Variants in PARP10 observed in about 807,000 individuals in gnomAD.
The protein encoded by PARP10 is poly(ADP-ribose) polymerase family member 10.
In PARP10, 56 loss-of-function variants were observed where a neutral mutation model predicts 82.4. That is an observed-to-expected ratio of 0.68 (90% CI 0.55 to 0.85). PARP10 has a LOEUF of 0.85. Ranked by LOEUF, PARP10 falls within the 40% of genes least tolerant of loss-of-function variation. The pLI is 0.00. For missense variants in PARP10, 1,227 were observed against 1,379.4 expected (o/e 0.89, Z 1.75); for synonymous variants, 576 against 601.1 (o/e 0.96, Z 0.61).
chr8:143,997,551 C>T (rs1005413169), intron 1 of PARP10, among the ~76,000 whole-genome samples: 5 of 150,122 alleles, frequency 3.3e-5, no homozygotes, highest in African/African-American at 1.2e-4. Flanking sequence ...AACCCCTAAT[C>T]TAGCCTCAGC....
rs1554748987 is a variant in PARP10, at chr8:143,985,218, C to G, written c.784G>C (p.Gly262Arg). ...PEELAENTSGGDHPSTQGPRA... is the reference protein window; with the variant it reads ...PEELAENTSGRDHPSTQGPRA... ...GGCCCCTGGGTGGACGGGTGGTCCC[C>G]TCCACTGGTGTTCTCAGCCAGCTCC... Residue 262 changes from glycine (G) to arginine (R), a missense_variant, in exon 5 of 11, where the codon GGG becomes CGG. Coordinates refer to ENST00000313028, the MANE Select transcript of PARP10 (RefSeq NM_032789.5). The G allele has an allele frequency of 1.2e-6, 2 of 1,614,018 alleles. No individual in the cohort carries two copies. Among genetic ancestry groups the G allele is most frequent in the Admixed American group, 3.3e-5 (2 of 60,004 alleles).
upstream of PARP10, chr8:143,992,922 T>A: frequency 8.3e-7 from 1 of 1,209,868 alleles, no homozygotes; most frequent in South Asian, 1.4e-5. Context: ...CCAGCTGTAC[T>A]TCCCCTCTCT....
At chr8:144,007,063 G>A (rs1554752129) in intron 1 of PARP10, among the ~76,000 whole-genome samples, 1 of 152,156 alleles carries the variant, frequency 6.6e-6, no homozygotes, top group Non-Finnish European at 1.5e-5. Flanking sequence ...AAACAATGCT[G>A]TGTAAACAGC....
upstream of PARP10, among the ~76,000 whole-genome samples, chr8:143,987,652 G>A (rs552652457): frequency 2.0e-5 from 3 of 152,308 alleles, no homozygotes; most frequent in African/African-American, 7.2e-5. Flanking sequence ...CAGCACTTTG[G>A]GAGACTGAGG....
intron 1 of PARP10, among the ~76,000 whole-genome samples, chr8:144,010,311 C>T (rs1554752364): frequency 6.6e-6 from 1 of 152,216 alleles, no homozygotes; most frequent in East Asian, 1.9e-4. Context: ...GCACTGAACC[C>T]CCAATTCCTA....
chr8:143,987,102 C>T (rs534575967), upstream of PARP10: 2 of 152,834 alleles, frequency 1.3e-5, no homozygotes, highest in East Asian at 3.9e-4. Flanking sequence ...AAGGTAATGG[C>T]TCCACTGCAT....
upstream of PARP10, chr8:143,992,181 C>T (rs782471805): frequency 2.5e-6 from 4 of 1,598,308 alleles, no homozygotes; most frequent in Admixed American, 1.7e-5. Flanking sequence ...GCTCATGAGG[C>T]AGGGGCCGGC....
rs1564254000 is a variant in PARP10, at chr8:143,986,175, CA to C, written c.60del (p.Ala21ProfsTer23). On this transcript the variant is annotated frameshift_variant, in exon 2 of 11. Transcript: ENST00000313028. LOFTEE classifies it high-confidence loss of function. ...AGAGTGAGCAGCTCGTCGGGCACGG[CA>C]GGGGGCAGTCCACGGACCTCCACTG... ...GVAVEVRGLP[P>X]AVPDELLTLY... 3.1e-6 allele frequency: 5 copies of C among 1,613,902 alleles called. No homozygotes were observed. The highest frequency in any genetic ancestry group is 4.2e-6 in the Non-Finnish European group (5 of 1,179,954).
chr8:143,977,751 G>C lies in PARP10; in HGVS notation c.2811C>G (p.Ala937=). The part of the protein sequence containing the change: ...SVQDRYSPPN[A]DGHKAVFVAR... ...CCACGAACACCGCCTTATGGCCATC[G>C]GCGTTGGGGGGCGAGTAGCGGTCCT... Residue 937 remains alanine, a synonymous_variant, in exon 11 of 11, where the codon GCC becomes GCG. Transcript: ENST00000313028. The C allele has an allele frequency of 6.2e-7, 1 of 1,603,392 alleles. No individual in the cohort carries two copies. Among genetic ancestry groups the C allele is most frequent in the Non-Finnish European group, 8.5e-7 (1 of 1,175,770 alleles).
At chr8:143,981,342 GAA>G (rs1833848369) in intron 9 of PARP10, among the ~76,000 whole-genome samples, 6 of 115,156 alleles carry the variant, frequency 5.2e-5, no homozygotes, top group South Asian at 2.8e-4. Context: ...AGTGAGTGGT[GAA>G]GGTGATGGTG....
In PARP10 at chr8:143,986,104, G is replaced by A; in HGVS notation, c.132C>T (p.Ser44=). The part of the protein sequence containing the change: ...RRRSGGGPVL[S]WQRLGCGGVL... The stretch of plus-strand genomic sequence containing the variant: ...CGCCCCCACAGCCCAGTCTCTGCCA[G>A]CTCAACACAGGTCCCCCTCCAGAGC... The change falls in exon 2 of 11, where the codon AGC becomes AGT. Residue 44 remains serine (S), a synonymous_variant. Transcript: ENST00000313028. 6 of 1,614,074 alleles carry A rather than the reference G, an allele frequency of 3.7e-6. No individual in the cohort carries two copies. Among genetic ancestry groups the A allele is most frequent in the Non-Finnish European group, 5.1e-6 (6 of 1,180,010 alleles).
chr8:143,982,920 G>T lies in PARP10; in HGVS notation c.2556+12C>A. On this transcript the variant is annotated intron_variant, in intron 9 of 10. Coordinates refer to ENST00000313028, the MANE Select transcript of PARP10 (RefSeq NM_032789.5). ...GACGCCATGAGGCCAGAGAGACAGG[G>T]CATGGACTCACACGAACGACGCGGA... 6.2e-7 allele frequency: 1 copy of T among 1,612,994 alleles called. No homozygotes were observed. The highest frequency in any genetic ancestry group is 8.5e-7 in the Non-Finnish European group (1 of 1,179,878).
Position 143,984,900 on chromosome 8 carries a change from C to T in PARP10, c.1102G>A (p.Val368Met), listed in dbSNP as rs1045215947. ...GGCCCCTCCTGTTCCTGCAACCCCACAGGCCTCAGGCTTACCAGCCCCTCA... is the reference window on the plus strand; with the variant it reads ...GGCCCCTCCTGTTCCTGCAACCCCATAGGCCTCAGGCTTACCAGCCCCTCA... ...EHEGLVSLRPVGLQEQEGPMS... is the reference protein window; with the variant it reads ...EHEGLVSLRPMGLQEQEGPMS... Residue 368 changes from valine (V) to methionine (M), a missense_variant, in exon 5 of 11, where the codon GTG (valine) becomes ATG (methionine). Val to Met is a conservative substitution (Grantham distance 21). Coordinates refer to ENST00000313028, the MANE Select transcript of PARP10 (RefSeq NM_032789.5). 2 of 1,613,876 alleles carry T rather than the reference C, an allele frequency of 1.2e-6. No homozygotes were observed. Among genetic ancestry groups the T allele is most frequent in the African/African-American group, 2.7e-5 (2 of 74,902 alleles).
intron 1 of PARP10, among the ~76,000 whole-genome samples, chr8:144,009,456 T>C (rs1834257554): frequency 1.3e-5 from 2 of 152,208 alleles, no homozygotes; most frequent in Admixed American, 6.5e-5. Context: ...CTCTGCGGCT[T>C]TGTCGTGGCT....
rs1564253868 is a variant in PARP10 at position 143,986,094 on chromosome 8, G to GTC, written c.140_141dup (p.Leu48AspfsTer32). 5 of 1,614,072 alleles carry GTC rather than the reference G, an allele frequency of 3.1e-6. No homozygotes were observed. The highest frequency in any genetic ancestry group is 3.4e-6 in the Non-Finnish European group (4 of 1,180,002). Reference sequence around the variant, plus strand: ...AAGGTGAGGACGCCCCCACAGCCCAGTCTCTGCCAGCTCAACACAGGTCCC... The same window carrying GTC: ...AAGGTGAGGACGCCCCCACAGCCCAGTCTCTCTGCCAGCTCAACACAGGTCCC... On this transcript the variant is annotated frameshift_variant, in exon 2 of 11. Transcript: ENST00000313028. LOFTEE classifies it high-confidence loss of function.
Position 143,985,614 on chromosome 8 carries a change from C to A in PARP10, c.471G>T (p.Leu157=). ...GGGACACCAAGGTCCCCTCCAGGCC[C>A]AGATTCTGGGCCTGCTCCTCCAGGA... The part of the protein sequence containing the change: ...VRVLEEQAQN[L]GLEGTLVSLA... The change falls in exon 4 of 11, where the codon CTG becomes CTT. Residue 157 remains leucine (L), a synonymous_variant. Coordinates refer to ENST00000313028, the MANE Select transcript of PARP10 (RefSeq NM_032789.5). 7.4e-6 allele frequency: 12 copies of A among 1,613,794 alleles called. No individual in the cohort carries two copies. The highest frequency in any genetic ancestry group is 1.0e-5 in the Non-Finnish European group (12 of 1,179,942).
At chr8:143,992,118 A>G, upstream of PARP10, 4 of 1,604,216 alleles carry the variant, frequency 2.5e-6, no homozygotes, top group African/African-American at 1.3e-5. Flanking sequence ...GGGTCCGGCC[A>G]TGCAGTCCCA....
At chr8:144,004,559 A>G (rs1283006540) in intron 1 of PARP10, among the ~76,000 whole-genome samples, 1 of 152,196 alleles carries the variant, frequency 6.6e-6, no homozygotes, top group Non-Finnish European at 1.5e-5. Context: ...AGACTGGGCT[A>G]GATTTAAACA....
At chr8:143,995,929 T>C (rs1268949355), upstream of PARP10, among the ~76,000 whole-genome samples, 1 of 152,232 alleles carries the variant, frequency 6.6e-6, no homozygotes. Flanking sequence ...AGCTGACAGC[T>C]CTAGCCTGGC....
Sources: allele counts gnomAD v4.1 joint callset (sites outside exome capture counted in the v4.1 genomes callset), GRCh38; gene constraint gnomAD v4.1.1; transcripts MANE v1.5; gene names NCBI Gene and HGNC (gene_info 2026-07-23, HGNC 2026-07-21).